The following SCLT1 variants were observed in gnomAD, a reference collection of about 807,000 sequenced individuals.
The protein encoded by SCLT1 is sodium channel and clathrin linker 1.
A neutral mutation model predicts 112.8 loss-of-function variants in SCLT1; 78 were observed. The observed-to-expected ratio is 0.69, with a 90% CI of 0.58 to 0.83. SCLT1 has a LOEUF of 0.83. Ranked by LOEUF, SCLT1 falls within the 40% of genes least tolerant of loss-of-function variation. The probability of loss-of-function intolerance (pLI) is 0.00; values close to 1 mark genes in which losing one functional copy is unlikely to be tolerated. For missense variants in SCLT1, 747 were observed against 770.4 expected (o/e 0.97, Z 0.36); for synonymous variants, 257 against 254.7 (o/e 1.01, Z -0.09).
chr4:129,003,668 A>G, intron 6 of SCLT1, 73 bp downstream of exon 6: 1 of 1,176,420 alleles, frequency 8.5e-7, no homozygotes, highest in South Asian at 1.5e-5. Context: ...TTATCCATAA[A>G]TAATGATTAA....
chr4:128,969,521 G>A (rs991133091), intron 10 of SCLT1, among the ~76,000 whole-genome samples: 4 of 152,058 alleles, frequency 2.6e-5, no homozygotes, highest in East Asian at 3.9e-4. Flanking sequence ...ACAGTGAGCC[G>A]AGATCAAGCC....
chr4:128,924,252 T>A (rs964060922), intron 18 of SCLT1, among the ~76,000 whole-genome samples: 12 of 151,814 alleles, frequency 7.9e-5, no homozygotes, highest in South Asian at 4.1e-4. Context: ...GCAGACATTT[T>A]AAAAATTTTA....
chr4:128,905,907 C>CT (rs35377703), intron 18 of SCLT1, among the ~76,000 whole-genome samples: 22,151 of 151,850 alleles, frequency 0.15, 1,887 homozygotes, highest in Middle Eastern at 0.27. Context: ...CCACTTTAAA[C>CT]ATCTTAAATT....
At chr4:128,960,220 T>C (rs564262081) in intron 11 of SCLT1, among the ~76,000 whole-genome samples, 5 of 152,310 alleles carry the variant, frequency 3.3e-5, no homozygotes, top group Admixed American at 6.5e-5. Flanking sequence ...AACTTACTAA[T>C]GTATATCTTA....
At chr4:128,980,868 T>A (rs1741587092) in intron 9 of SCLT1, among the ~76,000 whole-genome samples, 1 of 152,200 alleles carries the variant, frequency 6.6e-6, no homozygotes, top group Non-Finnish European at 1.5e-5. Context: ...TAAAATATAA[T>A]TTTTTAAAAT....
At chr4:129,063,446 G>GT (rs573201749) in intron 2 of SCLT1, among the ~76,000 whole-genome samples, 161 of 152,062 alleles carry the variant, frequency 1.1e-3, no homozygotes, top group Middle Eastern at 3.2e-3. Flanking sequence ...AATATCCCAT[G>GT]TTTTTTTTGT....
intron 18 of SCLT1, among the ~76,000 whole-genome samples, chr4:128,910,820 C>T (rs1735036539): frequency 6.6e-6 from 1 of 152,016 alleles, no homozygotes; most frequent in South Asian, 2.1e-4. Context: ...ATTATCATAA[C>T]CAAAATTTCT....
intron 2 of SCLT1, among the ~76,000 whole-genome samples, chr4:129,052,228 G>C (rs559917090): frequency 6.6e-6 from 1 of 152,278 alleles, no homozygotes; most frequent in South Asian, 2.1e-4. Context: ...TCAGAATGAT[G>C]TTGGCCTCAT....
chr4:128,951,194 A>G (rs1172696598), intron 14 of SCLT1, among the ~76,000 whole-genome samples: 1 of 152,150 alleles, frequency 6.6e-6, no homozygotes, highest in African/African-American at 2.4e-5. Context: ...AATAGCAAGC[A>G]TCAGGTTATT....
intron 9 of SCLT1, among the ~76,000 whole-genome samples, chr4:128,987,033 A>G (rs1742157767): frequency 6.6e-6 from 1 of 152,120 alleles, no homozygotes; most frequent in Non-Finnish European, 1.5e-5. Context: ...GAAGTCTAGC[A>G]AGTCTGTGTA....
chr4:129,086,261 T>G (rs1395909563), intron 1 of SCLT1, among the ~76,000 whole-genome samples: 1 of 152,128 alleles, frequency 6.6e-6, no homozygotes. Flanking sequence ...AGTACTTATC[T>G]GGCTTGTTTA....
At position 129,092,971 on chromosome 4, in the gene SCLT1, A is replaced by G. The variant is rs138477835; in HGVS notation, c.34+99T>C. The G allele has an allele frequency of 5.9e-4, 527 of 891,460 alleles. 2 individuals carry two copies. In the African/African-American group the frequency reaches 7.8e-3, roughly 13 times the overall value. The allele number at this position is 891,460 out of a possible 1,614,324, so 55.2% of individuals were successfully genotyped here. A position where few individuals can be genotyped will look rare whatever the true frequency, so the allele number is the denominator to read the frequency against. On this transcript the variant is annotated intron_variant, in intron 1 of 20. Transcript: ENST00000281142. ...CAACTAACTTCTTTAACTCTTTACC[A>G]ATTTAAATGTACCCAACCAGCATTC...
chr4:128,977,873 G>GAT (rs1741311265), intron 9 of SCLT1, among the ~76,000 whole-genome samples: 1 of 152,162 alleles, frequency 6.6e-6, no homozygotes, highest in Admixed American at 6.5e-5. Flanking sequence ...TAAATGATGT[G>GAT]ATATATTGTG....
intron 5 of SCLT1, among the ~76,000 whole-genome samples, chr4:129,013,579 G>A (rs1034779231): frequency 2.6e-5 from 4 of 152,200 alleles, no homozygotes; most frequent in Middle Eastern, 3.4e-3. Context: ...GTTTGGTTTG[G>A]CTGGATATTA....
intron 9 of SCLT1, among the ~76,000 whole-genome samples, chr4:128,989,060 G>A (rs1742340146): frequency 6.6e-6 from 1 of 151,670 alleles, no homozygotes; most frequent in African/African-American, 2.4e-5. Context: ...TTTCAGAATT[G>A]GACAGATAAT....
intron 12 of SCLT1, among the ~76,000 whole-genome samples, chr4:128,958,622 G>T (rs562265930): frequency 1.3e-5 from 2 of 152,020 alleles, no homozygotes; most frequent in Non-Finnish European, 1.5e-5. Context: ...GGCTTCAGAG[G>T]GTAGAGATAA....
chr4:129,091,821 C>A (rs775753231), intron 1 of SCLT1, among the ~76,000 whole-genome samples: 1 of 152,120 alleles, frequency 6.6e-6, no homozygotes, highest in East Asian at 1.9e-4. Context: ...GAAACTTGCT[C>A]GAGGTCACAG....
chr4:128,936,583 G>A, intron 18 of SCLT1, 72 bp downstream of exon 18: 1 of 854,684 alleles, frequency 1.2e-6, no homozygotes, highest in Non-Finnish European at 1.8e-6. Context: ...AAAAGATTAT[G>A]GCAAGGACAT....
In SCLT1 at chr4:128,957,056, T is replaced by C. The variant is rs1193444598; in HGVS notation, c.1116A>G (p.Val372=). 2.5e-6 allele frequency: 4 copies of C among 1,599,792 alleles called. No individual in the cohort carries two copies. The South Asian group carries it at 3.4e-5, about 13-fold the overall frequency. Residue 372 remains valine, a synonymous_variant, in exon 13 of 21, where the codon GTA becomes GTG. Coordinates refer to ENST00000281142, the MANE Select transcript of SCLT1 (RefSeq NM_144643.4). ...EKMKETVSRF[V]QDATIRTKKE... is the part of the protein sequence containing the mutation. Reference sequence around the variant, plus strand: ...TCTTGGTTCTTATGGTAGCATCTTGTACAAACCGAGAAACTGTCTCTTTCA... The same window carrying C: ...TCTTGGTTCTTATGGTAGCATCTTGCACAAACCGAGAAACTGTCTCTTTCA...
Sources: gnomAD v4.1 joint callset for allele counts (sites outside exome capture counted in the v4.1 genomes callset) on GRCh38, gnomAD v4.1.1 for gene constraint, MANE v1.5 for transcripts, NCBI Gene and HGNC (gene_info 2026-07-23, HGNC 2026-07-21) for gene names.